The following EPS8L1 variants were observed in gnomAD, a reference collection of about 807,000 sequenced individuals.
EPS8L1 encodes epidermal growth factor receptor kinase substrate 8-like protein 1.
In EPS8L1, 101 loss-of-function variants were observed where a neutral mutation model predicts 91.7. The ratio of observed to expected loss-of-function variants is 1.10; its 90% CI spans 0.94 to 1.30. EPS8L1 has a LOEUF of 1.30. Among genes scored for constraint, EPS8L1 ranks in the 50% most tolerant of loss-of-function variants. The pLI is 0.00. For missense variants in EPS8L1, 1,114 were observed against 1,017.0 expected, an observed-to-expected ratio of 1.10 and a Z score of -1.30; for synonymous variants, 506 against 445.3, an observed-to-expected ratio of 1.14 and a Z score of -1.72.
At chr19:55,086,611 G>T (rs1466205362) in intron 17 of EPS8L1, 93 bp downstream of exon 17, 5 of 1,530,854 alleles carry the variant, frequency 3.3e-6, no homozygotes, top group Non-Finnish European at 4.4e-6. Context: ...AGGGACTCCC[G>T]TCCCATTCTG....
intron 17 of EPS8L1, 81 bp from the exon 18 acceptor site, chr19:55,086,633 G>GCGGCCCCCCCCCCCCCCCCCAGGCCCCC: frequency 7.0e-7 from 1 of 1,428,502 alleles, no homozygotes; most frequent in Non-Finnish European, 9.4e-7. Flanking sequence ...GGACGCTGGA[G>GCGGCCCCCCCCCCCCCCCCCAGGCCCCC]CGCCCCCCCG....
rs769714898 is a variant in EPS8L1 at position 55,081,449 on chromosome 19, C to A, written c.731C>A (p.Pro244His). 4 of 1,603,082 alleles carry A rather than the reference C, an allele frequency of 2.5e-6. No homozygotes were observed. Among genetic ancestry groups the A allele is most frequent in the Non-Finnish European group, 3.4e-6 (4 of 1,175,906 alleles). The change falls in exon 8 of 20, where the codon CCC becomes CAC. Residue 244 changes from proline to histidine, a missense_variant. By Grantham distance (77) the Pro-to-His change is moderately conservative (BLOSUM62 -2). Coordinates refer to ENST00000201647, the MANE Select transcript of EPS8L1 (RefSeq NM_133180.3). The surrounding 1 kb of genome is among the most constrained non-coding windows in gnomAD (Gnocchi z 4.9). ...GACTCGGCCTCCCCGGACCTGGGTC[C>A]CCGGGGTCCTGACCTGGCGGTTCTG... ...NADSASPDLGPRGPDLAVLQA... is the reference protein window; with the variant it reads ...NADSASPDLGHRGPDLAVLQA...
At chr19:55,086,634 C>CGGCCCCCCCCCCCCCCCCCCAG in intron 17 of EPS8L1, 80 bp from the exon 18 acceptor site, 2 of 1,374,854 alleles carry the variant, frequency 1.5e-6, no homozygotes, top group South Asian at 1.3e-5. Flanking sequence ...GACGCTGGAG[C>CGGCCCCCCCCCCCCCCCCCCAG]GCCCCCCCGC....
rs748184456 is a variant in EPS8L1 at position 55,082,265 on chromosome 19, C to G, written c.991-10C>G. On this transcript the variant is annotated splice_polypyrimidine_tract_variant and intron_variant, in intron 10 of 19. Coordinates refer to ENST00000201647, the MANE Select transcript of EPS8L1 (RefSeq NM_133180.3). Reference sequence around the variant, plus strand: ...CACCCACGCCAACCACCTCCCTCCCCACGCCCCAGGCCCGGCTGCGCGGCA... The same window carrying G: ...CACCCACGCCAACCACCTCCCTCCCGACGCCCCAGGCCCGGCTGCGCGGCA... The G allele has an allele frequency of 6.2e-7, 1 of 1,610,478 alleles. No individual in the cohort carries two copies. Among genetic ancestry groups the G allele is most frequent in the South Asian group, 1.1e-5 (1 of 90,684 alleles).
Position 55,082,125 on chromosome 19 carries a change from C to A in EPS8L1, c.935C>A (p.Ser312Ter). ...GLLTLRAKPP[S>*]EAEYTDVLQK... ...CTGACGCTGCGGGCCAAGCCGCCCT[C>A]GGAGGCCGAGTACACCGACGTGCTG... is the stretch of plus-strand genomic sequence containing the variant. The change falls in exon 10 of 20, where the codon TCG becomes TAG. Residue 312 changes from serine to a stop codon, truncating the protein, a stop_gained. Coordinates refer to ENST00000201647, the MANE Select transcript of EPS8L1 (RefSeq NM_133180.3). LOFTEE classifies it high-confidence loss of function. The A allele has an allele frequency of 6.2e-7, 1 of 1,602,570 alleles. No individual in the cohort carries two copies. The highest frequency in any genetic ancestry group is 8.5e-7 in the Non-Finnish European group (1 of 1,175,158).
chr19:55,079,643 C>A, intron 4 of EPS8L1, 47 bp from the exon 5 acceptor site: 1 of 1,587,822 alleles, frequency 6.3e-7, no homozygotes, highest in Non-Finnish European at 8.6e-7. Flanking sequence ...TCTGAGCCCA[C>A]CTGGCATCAT....
At position 55,083,574 on chromosome 19, in the gene EPS8L1, TCCGCCTGGCC is replaced by T. The variant is rs775192948; in HGVS notation, c.1357-34_1357-25del. The T allele has an allele frequency of 1.4e-5, 23 of 1,594,414 alleles. No homozygotes were observed. The South Asian group carries it at 2.5e-4, about 17-fold the overall frequency. On this transcript the variant is annotated intron_variant, in intron 13 of 19. Coordinates refer to ENST00000201647, the MANE Select transcript of EPS8L1 (RefSeq NM_133180.3). The surrounding 1 kb of genome is among the most constrained non-coding windows in gnomAD (Gnocchi z 4.7). Reference sequence around the variant, plus strand: ...CTGGGAAGTCCGGGGGCGCGGCCGGTCCGCCTGGCCCCGCCTGACCCGACTGTCTTACTTC... The same window carrying T: ...CTGGGAAGTCCGGGGGCGCGGCCGGTCCGCCTGACCCGACTGTCTTACTTC...
At chr19:55,087,457 TG>T (rs767917349) in intron 19 of EPS8L1, 22 bp downstream of exon 19, 2 of 1,613,968 alleles carry the variant, frequency 1.2e-6, no homozygotes, top group Non-Finnish European at 1.7e-6. Flanking sequence ...CGCTGGTCCC[TG>T]GGTCTGGGTA....
rs372984297 is a variant in EPS8L1, at chr19:55,087,518, C to T, written c.2086-10C>T. On this transcript the variant is annotated splice_polypyrimidine_tract_variant and intron_variant, in intron 19 of 19. Coordinates refer to ENST00000201647, the MANE Select transcript of EPS8L1 (RefSeq NM_133180.3). Reference sequence around the variant, plus strand: ...CGCCAGGACAAAGCGATTTCCACCCCGCCCTCCAGGACAAAGAGAAAGTGT... The same window carrying T: ...CGCCAGGACAAAGCGATTTCCACCCTGCCCTCCAGGACAAAGAGAAAGTGT... 2 of 1,614,130 alleles carry T rather than the reference C, an allele frequency of 1.2e-6. No homozygotes were observed. Among genetic ancestry groups the T allele is most frequent in the African/African-American group, 1.3e-5 (1 of 75,042 alleles).
At position 55,086,440 on chromosome 19, in the gene EPS8L1, G is replaced by C; in HGVS notation, c.1699G>C (p.Ala567Pro). The C allele has an allele frequency of 6.4e-7, 1 of 1,554,586 alleles. No individual in the cohort carries two copies. Among genetic ancestry groups the C allele is most frequent in the Non-Finnish European group, 8.7e-7 (1 of 1,148,278 alleles). The change falls in exon 17 of 20, where the codon GCT (alanine) becomes CCT (proline). Residue 567 changes from alanine (A) to proline (P), a missense_variant. Transcript: ENST00000201647. Reference protein sequence around the residue: ...PPAPAPAPPPALARPRWDRPR... With the variant: ...PPAPAPAPPPPLARPRWDRPR... Reference sequence around the variant, plus strand: ...AGCCCCAGCCCCGGCCCCACCTCCAGCTCTGGCTCGGCCCCGCTGGGACAG... The same window carrying C: ...AGCCCCAGCCCCGGCCCCACCTCCACCTCTGGCTCGGCCCCGCTGGGACAG...
intron 2 of EPS8L1, among the ~76,000 whole-genome samples, chr19:55,077,103 G>A (rs372704193): frequency 6.6e-6 from 1 of 152,248 alleles, no homozygotes; most frequent in South Asian, 2.1e-4. Context: ...CCACCTGATC[G>A]CTGAGCTTCT....
At position 55,081,156 on chromosome 19, in the gene EPS8L1, G is replaced by T; in HGVS notation, c.513-75G>T. ...TGAGCCTTTTGAGCCTGTGTGTCTCGTTCTGCGCCCTGGATTTCCCCCTCC... is the reference window on the plus strand; with the variant it reads ...TGAGCCTTTTGAGCCTGTGTGTCTCTTTCTGCGCCCTGGATTTCCCCCTCC... On this transcript the variant is annotated intron_variant, in intron 7 of 19. Coordinates refer to ENST00000201647, the MANE Select transcript of EPS8L1 (RefSeq NM_133180.3). This position sits in a 1 kb window ranked among gnomAD's most constrained non-coding sequence, Gnocchi z 4.9. The T allele has an allele frequency of 7.0e-7, 1 of 1,435,754 alleles. No individual in the cohort carries two copies. The allele number at this position is 1,435,754 out of a possible 1,614,324, so 88.9% of individuals were successfully genotyped here.
Position 55,082,567 on chromosome 19 carries a change from C to A in EPS8L1, c.1179C>A (p.Leu393=). Residue 393 remains leucine (L), a synonymous_variant, in exon 12 of 20, where the codon CTC becomes CTA. Transcript: ENST00000201647. Reference sequence around the variant, plus strand: ...ACGTCACTCCACGTGAAAACGAGCTCTGGACCTCGCTGGGGGACTCGTGGA... The same window carrying A: ...ACGTCACTCCACGTGAAAACGAGCTATGGACCTCGCTGGGGGACTCGTGGA... ...RDNVTPRENE[L]WTSLGDSWTR... is the part of the protein sequence containing the mutation. 1 of 1,582,098 alleles carries A rather than the reference C, an allele frequency of 6.3e-7. No homozygotes were observed. Among genetic ancestry groups the A allele is most frequent in the Non-Finnish European group, 8.6e-7 (1 of 1,164,422 alleles).
At position 55,081,900 on chromosome 19, in the gene EPS8L1, GT is replaced by G. The variant is rs1568787585; in HGVS notation, c.901+2del. On this transcript the variant is annotated splice_donor_variant, in intron 9 of 19. Transcript: ENST00000201647. LOFTEE classifies it high-confidence loss of function. The surrounding 1 kb of genome is among the most constrained non-coding windows in gnomAD (Gnocchi z 4.9). ...AGGAGCCGGCGCCGGGCGGCTGGGG[GT>G]AAGGGGCACCCTGGCGTGGGATCTG... is the stretch of plus-strand genomic sequence containing the variant. 1.9e-5 allele frequency: 31 copies of G among 1,606,816 alleles called. No homozygotes were observed. Among genetic ancestry groups the G allele is most frequent in the Non-Finnish European group, 2.6e-5 (31 of 1,175,680 alleles).
rs1602926237 is a variant in EPS8L1, at chr19:55,080,335, G to T, written c.429+57G>T. The T allele has an allele frequency of 2.6e-5, 40 of 1,542,240 alleles. No homozygotes were observed. The East Asian group carries it at 9.5e-4, about 37-fold the overall frequency. The stretch of plus-strand genomic sequence containing the variant: ...CTGGAACTGGGCGGAGCCTGGAGCC[G>T]GGGCGGAAATGGGTGGGGCCTCTAG... On this transcript the variant is annotated intron_variant, in intron 6 of 19. Coordinates refer to ENST00000201647, the MANE Select transcript of EPS8L1 (RefSeq NM_133180.3).
chr19:55,087,755 ACTTAACGATCCTTG>A lies in EPS8L1; in HGVS notation c.*144_*157del, dbSNP rs1234519778. 3 of 855,612 alleles carry A rather than the reference ACTTAACGATCCTTG, an allele frequency of 3.5e-6. No individual in the cohort carries two copies. Among genetic ancestry groups the A allele is most frequent in the Non-Finnish European group, 5.6e-6 (3 of 531,474 alleles). 53.0% of individuals were successfully genotyped at this position (855,612 alleles called of 1,614,324 possible). On this transcript the variant is annotated 3_prime_UTR_variant, in exon 20 of 20. Coordinates refer to ENST00000201647, the MANE Select transcript of EPS8L1 (RefSeq NM_133180.3). ...GGTCTTCCCCCATCCCGGTGGACAG[ACTTAACGATCCTTG>A]CTGCAGTCCCTCCGGAGAGGATCTG...
rs572623695 is a variant in EPS8L1 at position 55,083,568 on chromosome 19, G to A, written c.1357-48G>A. The A allele has an allele frequency of 1.3e-6, 2 of 1,595,626 alleles. No homozygotes were observed. Among genetic ancestry groups the A allele is most frequent in the Admixed American group, 1.8e-5 (1 of 56,944 alleles). ...CCGAGGCTGGGAAGTCCGGGGGCGC[G>A]GCCGGTCCGCCTGGCCCCGCCTGAC... On this transcript the variant is annotated intron_variant, in intron 13 of 19. Transcript: ENST00000201647. This position sits in a 1 kb window ranked among gnomAD's most constrained non-coding sequence, Gnocchi z 4.7.
chr19:55,086,636 C>CCCCCCCCCCCCCCCCCTGGG, intron 17 of EPS8L1, 78 bp from the exon 18 acceptor site: 1 of 956,962 alleles, frequency 1.0e-6, no homozygotes. Flanking sequence ...CGCTGGAGCG[C>CCCCCCCCCCCCCCCCCTGGG]CCCCCCGCCC....
chr19:55,085,965 G>C lies in EPS8L1; in HGVS notation c.1510G>C (p.Val504Leu), dbSNP rs138510611. ...SSELSVKQRD[V>L]LEVLDDSRKW... is the part of the protein sequence containing the mutation. ...TGAGCTGTCGGTCAAGCAGCGGGAC[G>C]TACTGGAGGTTAGAGGAGCGGGAGG... The change falls in exon 15 of 20, where the codon GTA becomes CTA. Residue 504 changes from valine to leucine, a missense_variant. Transcript: ENST00000201647. 47 of 1,612,688 alleles carry C rather than the reference G, an allele frequency of 2.9e-5. 1 individual carries two copies. The highest frequency in any genetic ancestry group is 6.7e-5 in the Admixed American group (4 of 59,972).
Sources: gnomAD v4.1 joint callset for allele counts (sites outside exome capture counted in the v4.1 genomes callset) on GRCh38, gnomAD v4.1.1 for gene constraint, Gnocchi (gnomAD v3.1) non-coding constraint, MANE v1.5 for transcripts, NCBI Gene and HGNC (gene_info 2026-07-23, HGNC 2026-07-21) for gene names.